The following HERC2 variants were observed in gnomAD, a reference collection of about 807,000 sequenced individuals.
HERC2 encodes E3 ubiquitin-protein ligase HERC2.
A neutral mutation model predicts 537.7 loss-of-function variants in HERC2; 102 were observed. The ratio of observed to expected loss-of-function variants is 0.19; its 90% CI spans 0.16 to 0.22. The LOEUF (loss-of-function observed/expected upper bound fraction) is 0.22, where lower values mean the gene tolerates loss of function less well. HERC2 is among the 10% of genes least tolerant of loss of function. The pLI is 1.00. For synonymous variants in HERC2, 2,224 were observed against 2,466.2 expected (o/e 0.90, Z 2.91); for missense variants, 4,236 against 6,198.2 (o/e 0.68, Z 10.63).
At position 28,200,985 on chromosome 15, in the gene HERC2, A is replaced by C. The variant is rs867036747; in HGVS notation, c.7716+471T>G. On this transcript the variant is annotated intron_variant, in intron 48 of 92. Transcript: ENST00000261609. ...AGAATTACATAAGAAAAACAAGGAAAGGTATGTAGGAAGTGTCACAAGTGG... is the reference window on the plus strand; with the variant it reads ...AGAATTACATAAGAAAAACAAGGAACGGTATGTAGGAAGTGTCACAAGTGG... 5.5e-5 allele frequency among the ~76,000 whole-genome samples: 8 copies of C among 145,864 alleles called. No homozygotes were observed. In the South Asian group the frequency reaches 1.6e-3, roughly 30 times the overall value.
At chr15:28,229,899 C>G (rs1354681225) in intron 31 of HERC2, 52 bp from the exon 32 acceptor site, 1 of 824,306 alleles carries the variant, frequency 1.2e-6, no homozygotes, top group African/African-American at 1.7e-5. Context: ...TAATAATAAA[C>G]TGTGCTCTAA....
At chr15:28,130,619 G>C in intron 81 of HERC2, 25 bp from the exon 82 acceptor site, 1 of 1,515,822 alleles carries the variant, frequency 6.6e-7, no homozygotes. Flanking sequence ...GGTTCAATTA[G>C]ACAGACAGCA....
chr15:28,139,608 G>A (rs1276430433), intron 78 of HERC2, among the ~76,000 whole-genome samples: 1 of 152,220 alleles, frequency 6.6e-6, no homozygotes, highest in Non-Finnish European at 1.5e-5. Context: ...TACATTACAT[G>A]AGAGTATCTC....
intron 53 of HERC2, among the ~76,000 whole-genome samples, chr15:28,191,559 T>C (rs1896856916): frequency 6.6e-6 from 1 of 152,228 alleles, no homozygotes; most frequent in African/African-American, 2.4e-5. Context: ...TCCTAAAGTC[T>C]GACCTGTGTG....
intron 10 of HERC2, among the ~76,000 whole-genome samples, chr15:28,270,017 A>G (rs1430276401): frequency 6.6e-6 from 1 of 152,182 alleles, no homozygotes; most frequent in Non-Finnish European, 1.5e-5. Flanking sequence ...GCTGCAGTGC[A>G]ATGGCGCGAT....
chr15:28,137,837 G>C (rs1308649177), intron 78 of HERC2, among the ~76,000 whole-genome samples: 3 of 152,322 alleles, frequency 2.0e-5, no homozygotes, highest in East Asian at 3.9e-4. Context: ...AGATTAGTGA[G>C]TAAGGCACAC....
chr15:28,142,182 T>C, intron 76 of HERC2, 56 bp downstream of exon 76: 1 of 1,572,842 alleles, frequency 6.4e-7, no homozygotes, highest in Non-Finnish European at 8.6e-7. Flanking sequence ...CTTGTTACAC[T>C]ATAGCTAAAT....
At chr15:28,161,405 G>A (rs1011251393) in intron 69 of HERC2, among the ~76,000 whole-genome samples, 45 of 152,210 alleles carry the variant, frequency 3.0e-4, no homozygotes, top group African/African-American at 9.9e-4. Context: ...TAGGCACCCA[G>A]AGAAACGGAT....
intron 40 of HERC2, 93 bp from the exon 41 acceptor site, chr15:28,214,365 C>T (rs551109252): frequency 2.7e-5 from 30 of 1,123,880 alleles, no homozygotes; most frequent in Non-Finnish European, 3.4e-5. Flanking sequence ...GACGGCACTG[C>T]GCCGCTCTTC....
intron 2 of HERC2, among the ~76,000 whole-genome samples, chr15:28,310,960 C>T (rs1436169124): frequency 6.6e-6 from 1 of 151,268 alleles, no homozygotes; most frequent in African/African-American, 2.4e-5. Flanking sequence ...ACCTATAGTC[C>T]CAGCTACTCG....
At chr15:28,115,280 TGCTACTCAAAGG>T in intron 89 of HERC2, 137 bp downstream of exon 89, 1 of 492,844 alleles carries the variant, frequency 2.0e-6, no homozygotes, top group South Asian at 3.9e-5. Context: ...TTTTTTTTTT[TGCTACTCAAAGG>T]TGGTCCACAG....
intron 5 of HERC2, among the ~76,000 whole-genome samples, chr15:28,278,219 C>A (rs1221617467): frequency 6.6e-6 from 1 of 151,924 alleles, no homozygotes; most frequent in African/African-American, 2.4e-5. Context: ...CTCAGCTCTA[C>A]AAAAAATACA....
intron 69 of HERC2, 70 bp from the exon 70 acceptor site, chr15:28,152,900 T>C (rs1892601771): frequency 4.8e-6 from 7 of 1,450,786 alleles, no homozygotes; most frequent in Non-Finnish European, 6.5e-6. Flanking sequence ...ATGCCACCTC[T>C]GCCCGTCCTG....
chr15:28,130,948 C>T (rs1890045587), intron 81 of HERC2, among the ~76,000 whole-genome samples: 2 of 152,134 alleles, frequency 1.3e-5, no homozygotes, highest in Non-Finnish European at 2.9e-5. Flanking sequence ...TGTCTCTCCT[C>T]ACCTGCCCCA....
chr15:28,139,204 G>A (rs2142221003), intron 78 of HERC2, among the ~76,000 whole-genome samples: 1 of 152,320 alleles, frequency 6.6e-6, no homozygotes, highest in Middle Eastern at 3.4e-3. Context: ...GTGTGGGCTG[G>A]ACTTAATGAC....
Position 28,248,596 on chromosome 15 carries a change from T to C in HERC2, c.3191A>G (p.Lys1064Arg), listed in dbSNP as rs754243569. 1.9e-6 allele frequency: 3 copies of C among 1,614,060 alleles called. No homozygotes were observed. The South Asian group carries it at 3.3e-5, about 18-fold the overall frequency. ...ACCAATACTTTCTCCTGGATAAAGT[T>C]TACTAATAAGCAAACGTTGAAAACG... Reference protein sequence around the residue: ...LLRFQRLLISKLYPGESIGQT... With the variant: ...LLRFQRLLISRLYPGESIGQT... Residue 1064 changes from lysine (K) to arginine (R), a missense_variant, in exon 21 of 93, where the codon AAA becomes AGA. Transcript: ENST00000261609.
At chr15:28,252,657 A>G (rs2140869165) in intron 20 of HERC2, among the ~76,000 whole-genome samples, 1 of 152,300 alleles carries the variant, frequency 6.6e-6, no homozygotes, top group South Asian at 2.1e-4. Context: ...ACAAATTCCA[A>G]GCTCTTTCCA....
At chr15:28,292,314 T>C (rs1216466109) in intron 4 of HERC2, among the ~76,000 whole-genome samples, 2 of 150,284 alleles carry the variant, frequency 1.3e-5, no homozygotes, top group African/African-American at 4.9e-5. Context: ...TCAATAAGCA[T>C]GTAAAAAGAT....
Position 28,132,260 on chromosome 15 carries a change from A to G in HERC2, c.12410T>C (p.Val4137Ala), listed in dbSNP as rs1367227060. 6.2e-7 allele frequency: 1 copy of G among 1,604,864 alleles called. No homozygotes were observed. The highest frequency in any genetic ancestry group is 8.5e-7 in the Non-Finnish European group (1 of 1,173,768). The part of the protein sequence containing the change: ...DSEDQLKPKL[V>A]EALQGHRVVD... Reference sequence around the variant, plus strand: ...CACACGGTGGCCCTGCAGCGCCTCCACCTTCAGAGAAAAGGGACTTGGGTT... The same window carrying G: ...CACACGGTGGCCCTGCAGCGCCTCCGCCTTCAGAGAAAAGGGACTTGGGTT... The change falls in exon 81 of 93, where the codon GTG becomes GCG. Residue 4137 changes from valine (V) to alanine (A), a missense_variant and splice_region_variant. Transcript: ENST00000261609.
Sources: gnomAD v4.1 joint callset for allele counts (sites outside exome capture counted in the v4.1 genomes callset) on GRCh38, gnomAD v4.1.1 for gene constraint, MANE v1.5 for transcripts, NCBI Gene and HGNC (gene_info 2026-07-23, HGNC 2026-07-21) for gene names.